Variants in SLC36A3 observed in about 807,000 individuals in gnomAD.
The protein encoded by SLC36A3 is solute carrier family 36 member 3.
A neutral mutation model predicts 44.3 loss-of-function variants in SLC36A3; 35 were observed. The observed-to-expected ratio is 0.79, with a 90% CI of 0.60 to 1.05. The LOEUF is 1.05. Ranked by LOEUF, SLC36A3 falls within the 50% of genes least tolerant of loss-of-function variation. The probability of loss-of-function intolerance (pLI) is 0.00; values close to 1 mark genes in which losing one functional copy is unlikely to be tolerated. For synonymous variants in SLC36A3, 211 were observed against 227.6 expected (o/e 0.93, Z 0.66); for missense variants, 540 against 578.7 (o/e 0.93, Z 0.69).
In SLC36A3 at chr5:151,300,761, C is replaced by T. The variant is rs533674817; in HGVS notation, c.129-2078G>A. 1.7e-4 allele frequency among the ~76,000 whole-genome samples: 26 copies of T among 152,304 alleles called. No individual in the cohort carries two copies. In the South Asian group the frequency reaches 5.4e-3, roughly 32 times the overall value. On this transcript the variant is annotated intron_variant, in intron 1 of 9. Coordinates refer to ENST00000335230, the MANE Select transcript of SLC36A3 (RefSeq NM_181774.4). ...TTTATATTTTTTCTCGAAAACTATA[C>T]AATTGCTATTATAAAAGGAAATTCC... is the stretch of plus-strand genomic sequence containing the variant.
In SLC36A3 at chr5:151,284,341, C is replaced by T. The variant is rs145840965; in HGVS notation, c.808-131G>A. The T allele has an allele frequency of 9.3e-6, 8 of 864,726 alleles. No homozygotes were observed. In the East Asian group the frequency reaches 2.0e-4, roughly 22 times the overall value. 53.6% of individuals were successfully genotyped at this position (864,726 alleles called of 1,614,324 possible). ...CCAGTATCAGAAAGGGGACTCTCCA[C>T]ATGGCCACACTCCTTTCATTTTCTC... On this transcript the variant is annotated intron_variant, in intron 7 of 9. Coordinates refer to ENST00000335230, the MANE Select transcript of SLC36A3 (RefSeq NM_181774.4).
chr5:151,284,158 A>T lies in SLC36A3; in HGVS notation c.860T>A (p.Leu287Gln), dbSNP rs1450236717. 6.2e-7 allele frequency: 1 copy of T among 1,613,718 alleles called. No homozygotes were observed. ...MKHPQQFSFV[L>Q]YLGMSIVIIL... ...GATGACAATGGACATCCCCAAGTAC[A>T]GAACAAAAGAAAACTGCTGTGGATG... The change falls in exon 8 of 10, where the codon CTG (leucine) becomes CAG (glutamine). Residue 287 changes from leucine to glutamine, a missense_variant. Coordinates refer to ENST00000335230, the MANE Select transcript of SLC36A3 (RefSeq NM_181774.4).
At chr5:151,283,468 G>A (rs1326314119) in intron 8 of SLC36A3, among the ~76,000 whole-genome samples, 1 of 152,140 alleles carries the variant, frequency 6.6e-6, no homozygotes, top group African/African-American at 2.4e-5. Flanking sequence ...AGCCCAAATT[G>A]CCCAGAACAA....
At chr5:151,283,234 T>C (rs1402183975) in intron 8 of SLC36A3, among the ~76,000 whole-genome samples, 1 of 152,256 alleles carries the variant, frequency 6.6e-6, no homozygotes, top group African/African-American at 2.4e-5. Flanking sequence ...TGGCCATTTT[T>C]TTTTATTTGC....
chr5:151,295,410 C>A (rs954714686), intron 3 of SLC36A3, among the ~76,000 whole-genome samples: 1 of 152,166 alleles, frequency 6.6e-6, no homozygotes, highest in African/African-American at 2.4e-5. Flanking sequence ...CTCTTAAAAG[C>A]GTTTTGTGAG....
rs566196057 is a variant in SLC36A3 at position 151,284,530 on chromosome 5, A to G, written c.807+83T>C. 13 of 1,075,110 alleles carry G rather than the reference A, an allele frequency of 1.2e-5. No homozygotes were observed. In the African/African-American group the frequency reaches 2.1e-4, roughly 17 times the overall value. 66.6% of individuals were successfully genotyped at this position (1,075,110 alleles called of 1,614,324 possible). On this transcript the variant is annotated intron_variant, in intron 7 of 9. Transcript: ENST00000335230. ...TCAGAGTCTGCACCTTTTCATAAAT[A>G]CTATTTATTCAGACATCTGCAACTA...
Position 151,277,557 on chromosome 5 carries a change from C to T in SLC36A3, c.1249G>A (p.Val417Ile), listed in dbSNP as rs767693076. Reference protein sequence around the residue: ...ALIIPALLEIVIFYSEDMSCV... With the variant: ...ALIIPALLEIIIFYSEDMSCV... ...CTCATGTCCTCAGAGTAAAAGATGACGATCTCCAGGAGGGCTGGGATGATG... is the reference window on the plus strand; with the variant it reads ...CTCATGTCCTCAGAGTAAAAGATGATGATCTCCAGGAGGGCTGGGATGATG... Residue 417 changes from valine (V) to isoleucine (I), a missense_variant, in exon 10 of 10, where the codon GTC (valine) becomes ATC (isoleucine). Coordinates refer to ENST00000335230, the MANE Select transcript of SLC36A3 (RefSeq NM_181774.4). The T allele has an allele frequency of 1.1e-5, 17 of 1,614,044 alleles. No individual in the cohort carries two copies. In the Admixed American group the frequency reaches 2.0e-4, roughly 19 times the overall value.
At chr5:151,283,145 C>T (rs1267470242) in intron 8 of SLC36A3, among the ~76,000 whole-genome samples, 1 of 152,318 alleles carries the variant, frequency 6.6e-6, no homozygotes, top group South Asian at 2.1e-4. Context: ...CTCAGCCTCC[C>T]AAAGAGCTGG....
intron 2 of SLC36A3, 26 bp from the exon 3 acceptor site, chr5:151,296,294 A>G: frequency 6.3e-7 from 1 of 1,595,984 alleles, no homozygotes; most frequent in South Asian, 1.1e-5. Context: ...GAAAGGGGGA[A>G]GTGAGCCAGA....
At position 151,293,457 on chromosome 5, in the gene SLC36A3, A is replaced by T; in HGVS notation, c.311T>A (p.Leu104Gln). ...TCCATAGTTCACAAAAGTCTTCTGCAGTCTAGGGGGAAAGAACAAACAATG... is the reference window on the plus strand; with the variant it reads ...TCCATAGTTCACAAAAGTCTTCTGCTGTCTAGGGGGAAAGAACAAACAATG... The part of the protein sequence containing the change: ...LNCAQHLSQR[L>Q]QKTFVNYGEA... The change falls in exon 4 of 10, where the codon CTG becomes CAG. Residue 104 changes from leucine to glutamine, a missense_variant and splice_region_variant. Physicochemically the swap from Leu to Gln is moderately radical, Grantham distance 113 (BLOSUM62 -2). Transcript: ENST00000335230. 1 of 1,611,400 alleles carries T rather than the reference A, an allele frequency of 6.2e-7. No individual in the cohort carries two copies. The highest frequency in any genetic ancestry group is 2.2e-5 in the East Asian group (1 of 44,786).
At chr5:151,287,214 G>A (rs1180658382) in intron 6 of SLC36A3, 32 bp downstream of exon 6, 10 of 1,608,832 alleles carry the variant, frequency 6.2e-6, no homozygotes, top group Non-Finnish European at 8.5e-6. Flanking sequence ...AGAGACCCAG[G>A]ACCCTGATCC....
intron 9 of SLC36A3, among the ~76,000 whole-genome samples, chr5:151,278,252 G>A (rs756935124): frequency 6.6e-6 from 1 of 150,680 alleles, no homozygotes; most frequent in African/African-American, 2.4e-5. Flanking sequence ...TAGGATCTTA[G>A]TAATGAAGCA....
At chr5:151,296,449 T>G (rs1387364555) in intron 2 of SLC36A3, 181 bp from the exon 3 acceptor site, 6 of 620,118 alleles carry the variant, frequency 9.7e-6, no homozygotes, top group Non-Finnish European at 1.8e-5. Context: ...TTAGCATCCC[T>G]GTAGAGTGGC....
chr5:151,299,173 C>T (rs1755064103), intron 1 of SLC36A3, among the ~76,000 whole-genome samples: 3 of 149,622 alleles, frequency 2.0e-5, no homozygotes. Flanking sequence ...TTAGTTTACT[C>T]CTTCATCCAT....
At chr5:151,277,691 T>C in intron 9 of SLC36A3, 30 bp from the exon 10 acceptor site, 1 of 1,604,026 alleles carries the variant, frequency 6.2e-7, no homozygotes, top group African/African-American at 1.3e-5. Context: ...TTAGAATCAC[T>C]GAATGTGCTC....
At chr5:151,288,752 T>TAC (rs1429205776) in intron 4 of SLC36A3, among the ~76,000 whole-genome samples, 22 of 150,954 alleles carry the variant, frequency 1.5e-4, no homozygotes, top group Admixed American at 7.9e-4. Flanking sequence ...TATTCGTCTA[T>TAC]ACACACACAC....
At chr5:151,295,410 C>T (rs954714686) in intron 3 of SLC36A3, among the ~76,000 whole-genome samples, 8 of 152,166 alleles carry the variant, frequency 5.3e-5, no homozygotes, top group Admixed American at 2.0e-4. Flanking sequence ...CTCTTAAAAG[C>T]GTTTTGTGAG....
Position 151,288,398 on chromosome 5 carries a change from G to T in SLC36A3, c.477C>A (p.Asp159Glu). The T allele has an allele frequency of 6.2e-7, 1 of 1,601,016 alleles. No individual in the cohort carries two copies. Among genetic ancestry groups the T allele is most frequent in the Non-Finnish European group, 8.5e-7 (1 of 1,173,626 alleles). Reference protein sequence around the residue: ...FCSVYFMFMADNLQQMVEKAH... With the variant: ...FCSVYFMFMAENLQQMVEKAH... ...GAGGGCTCTTTACCTGTTGTAAATT[G>T]TCTGCCATAAACATAAAATAAACAC... The change falls in exon 5 of 10, where the codon GAC (aspartate) becomes GAA (glutamate). Residue 159 changes from aspartate (D) to glutamate (E), a missense_variant. Asp to Glu is a conservative substitution (Grantham distance 45). Coordinates refer to ENST00000335230, the MANE Select transcript of SLC36A3 (RefSeq NM_181774.4).
intron 8 of SLC36A3, among the ~76,000 whole-genome samples, 162 bp downstream of exon 8, chr5:151,283,882 A>AGTT (rs2127256929): frequency 6.6e-6 from 1 of 152,362 alleles, no homozygotes; most frequent in Admixed American, 6.5e-5. Flanking sequence ...AGGTGCGGCC[A>AGTT]TGTGGCTTGC....
Sources: allele counts gnomAD v4.1 joint callset (sites outside exome capture counted in the v4.1 genomes callset), GRCh38; gene constraint gnomAD v4.1.1; transcripts MANE v1.5; gene names NCBI Gene and HGNC (gene_info 2026-07-23, HGNC 2026-07-21).